The following TENM2 variants were observed in gnomAD, a reference collection of about 807,000 sequenced individuals.
TENM2 encodes the protein teneurin transmembrane protein 2.
TENM2 carries 52 observed loss-of-function variants against 245.2 expected under a neutral mutation model. That is an observed-to-expected ratio of 0.21 (90% CI 0.17 to 0.27). The LOEUF (loss-of-function observed/expected upper bound fraction) is 0.27, where lower values mean the gene tolerates loss of function less well. Among genes scored for constraint, TENM2 ranks in the 10% least tolerant of loss-of-function variants. The pLI, the probability that TENM2 is intolerant of heterozygous loss-of-function variation, is 1.00. For synonymous variants in TENM2, 1,363 were observed against 1,438.9 expected (o/e 0.95, Z 1.19); for missense variants, 3,046 against 3,666.8 (o/e 0.83, Z 4.37).
intron 1 of TENM2, among the ~76,000 whole-genome samples, chr5:167,322,260 T>G (rs1164027180): frequency 6.6e-6 from 1 of 152,150 alleles, no homozygotes; most frequent in Non-Finnish European, 1.5e-5. Context: ...GTTTTTGTTT[T>G]GTTTTGAAAG....
At chr5:168,224,414 A>G (rs939421827) in intron 23 of TENM2, among the ~76,000 whole-genome samples, 1 of 152,186 alleles carries the variant, frequency 6.6e-6, no homozygotes, top group Non-Finnish European at 1.5e-5. Flanking sequence ...TCAGCTTTCA[A>G]ACTTCTGCAG....
chr5:167,892,237 G>A (rs1480508764), intron 3 of TENM2, among the ~76,000 whole-genome samples: 1 of 152,142 alleles, frequency 6.6e-6, no homozygotes, highest in Non-Finnish European at 1.5e-5. Flanking sequence ...TTTCCAGAAT[G>A]GATGATCTGT....
At chr5:168,069,172 C>T (rs886602491) in intron 7 of TENM2, among the ~76,000 whole-genome samples, 30 of 152,270 alleles carry the variant, frequency 2.0e-4, no homozygotes, top group Non-Finnish European at 2.8e-4. Context: ...CCTGGCATTT[C>T]GTTGAACAGT....
At chr5:167,350,796 T>C (rs958751777) in intron 1 of TENM2, among the ~76,000 whole-genome samples, 1 of 141,216 alleles carries the variant, frequency 7.1e-6, no homozygotes, top group Non-Finnish European at 1.5e-5. Context: ...CATATGGATA[T>C]ATATATGGGA....
intron 2 of TENM2, among the ~76,000 whole-genome samples, chr5:167,670,247 T>C (rs1376190438): frequency 2.0e-5 from 3 of 152,138 alleles, no homozygotes; most frequent in Non-Finnish European, 2.9e-5. Context: ...GAGGGAGCGC[T>C]TTGTGATCCT....
At chr5:168,096,889 T>C (rs568996542) in intron 8 of TENM2, among the ~76,000 whole-genome samples, 1 of 152,314 alleles carries the variant, frequency 6.6e-6, no homozygotes, top group South Asian at 2.1e-4. Context: ...TTAAAGAATA[T>C]GACTATTTCT....
the TENM2 span, among the ~76,000 whole-genome samples, chr5:167,277,285 A>T: frequency 6.6e-6 from 1 of 152,088 alleles, no homozygotes; most frequent in African/African-American, 2.4e-5. Context: ...CTTTAACTGT[A>T]TCCTGCAAAT....
chr5:167,179,584 C>G, the TENM2 span, among the ~76,000 whole-genome samples: 2 of 152,090 alleles, frequency 1.3e-5, no homozygotes, highest in African/African-American at 2.4e-5. Context: ...AGCCCCACCC[C>G]CGCAACCCCG....
chr5:167,395,033 T>C (rs1761974917), intron 2 of TENM2, among the ~76,000 whole-genome samples: 2 of 152,190 alleles, frequency 1.3e-5, no homozygotes. Context: ...AAAAATGTCA[T>C]TGGAATTTTG....
rs1768442207 is a variant in TENM2, at chr5:167,491,806, A to G, written c.502+116333A>G. ...TCCCTTTACTCCCTTGCCCACCCAC[A>G]TACAACCAACTACGTGATCTAAAAA... On this transcript the variant is annotated intron_variant, in intron 2 of 28. Transcript: ENST00000518659. Among the ~76,000 whole-genome samples, 4 of 152,126 alleles carry G rather than the reference A, an allele frequency of 2.6e-5. No homozygotes were observed. The South Asian group carries it at 8.3e-4, about 31-fold the overall frequency.
intron 13 of TENM2, among the ~76,000 whole-genome samples, chr5:168,187,943 G>A (rs2152504584): frequency 6.6e-6 from 1 of 152,256 alleles, no homozygotes; most frequent in South Asian, 2.1e-4. Context: ...TCACCCTCCT[G>A]TGTCTGCATT....
chr5:167,128,635 C>T, the TENM2 span, among the ~76,000 whole-genome samples: 1 of 152,070 alleles, frequency 6.6e-6, no homozygotes, highest in Admixed American at 6.5e-5. Flanking sequence ...TCACTGAAGC[C>T]TTTGTGAAGT....
chr5:167,724,543 T>C (rs147127225), intron 2 of TENM2, among the ~76,000 whole-genome samples: 509 of 152,104 alleles, frequency 3.3e-3, no homozygotes, highest in African/African-American at 0.012. Context: ...GGGAAGACAG[T>C]AGAGTAGGAA....
chr5:168,262,506 C>T (rs759524642), exon 29 of TENM2: 5 of 1,556,692 alleles, frequency 3.2e-6, no homozygotes, highest in Non-Finnish European at 4.3e-6. Flanking sequence ...CAGTACTCCA[C>T]GCTGCTGCTC....
chr5:168,257,718 C>T (rs539311440), intron 27 of TENM2, among the ~76,000 whole-genome samples: 16 of 151,234 alleles, frequency 1.1e-4, no homozygotes, highest in East Asian at 2.0e-4. Flanking sequence ...CGGGTTCAAG[C>T]GATTCTCCTG....
intron 2 of TENM2, among the ~76,000 whole-genome samples, chr5:167,705,911 AG>A (rs1436627577): frequency 6.7e-6 from 1 of 149,480 alleles, no homozygotes; most frequent in Non-Finnish European, 1.5e-5. Context: ...GATATTCTCC[AG>A]GTTTATCCAT....
chr5:167,693,666 A>G (rs923571115), intron 2 of TENM2, among the ~76,000 whole-genome samples: 3 of 151,070 alleles, frequency 2.0e-5, no homozygotes, highest in African/African-American at 4.9e-5. Context: ...TGATTAAGGC[A>G]GAGGTTATTA....
At chr5:167,716,790 A>G (rs1028259412) in intron 2 of TENM2, among the ~76,000 whole-genome samples, 3 of 151,774 alleles carry the variant, frequency 2.0e-5, no homozygotes, top group South Asian at 4.2e-4. Context: ...ATCCGAAGGG[A>G]AAAAAAATCA....
intron 3 of TENM2, among the ~76,000 whole-genome samples, chr5:167,896,005 C>T (rs1230102914): frequency 6.6e-6 from 1 of 152,158 alleles, no homozygotes; most frequent in African/African-American, 2.4e-5. Context: ...GTACTTTAGT[C>T]TAGTTAATGG....
Sources: gnomAD v4.1 joint callset for allele counts (sites outside exome capture counted in the v4.1 genomes callset) on GRCh38, gnomAD v4.1.1 for gene constraint, MANE v1.5 for transcripts, NCBI Gene and HGNC (gene_info 2026-07-23, HGNC 2026-07-21) for gene names.